The following NLGN1 variants were observed in gnomAD, a reference collection of about 807,000 sequenced individuals.
NLGN1 encodes the protein neuroligin-1.
A neutral mutation model predicts 65.5 loss-of-function variants in NLGN1; 12 were observed. The ratio of observed to expected loss-of-function variants is 0.18; its 90% CI spans 0.12 to 0.30. The LOEUF is 0.30. Ranked by LOEUF, NLGN1 falls within the 10% of genes least tolerant of loss-of-function variation. The pLI is 1.00. For synonymous variants in NLGN1, 350 were observed against 359.5 expected, an observed-to-expected ratio of 0.97 and a Z score of 0.30; for missense variants, 750 against 1,007.1, an observed-to-expected ratio of 0.74 and a Z score of 3.46.
At chr3:174,055,280 A>C (rs1735816025) in intron 4 of NLGN1, among the ~76,000 whole-genome samples, 1 of 151,822 alleles carries the variant, frequency 6.6e-6, no homozygotes, top group African/African-American at 2.4e-5. Flanking sequence ...CTGGACCCAC[A>C]AAATAGGGAG....
intron 3 of NLGN1, among the ~76,000 whole-genome samples, chr3:173,711,303 G>C (rs1184803879): frequency 2.0e-5 from 3 of 152,090 alleles, no homozygotes; most frequent in Non-Finnish European, 4.4e-5. Flanking sequence ...TTTGTTTCTG[G>C]TGAGAGTGAG....
At chr3:173,842,798 G>T (rs986869205) in intron 4 of NLGN1, among the ~76,000 whole-genome samples, 1 of 152,152 alleles carries the variant, frequency 6.6e-6, no homozygotes, top group African/African-American at 2.4e-5. Context: ...CCAGGTGCAT[G>T]GTGCAAGCTG....
chr3:173,824,678 C>T (rs141233961), intron 4 of NLGN1, among the ~76,000 whole-genome samples: 350 of 152,092 alleles, frequency 2.3e-3, no homozygotes, highest in Non-Finnish European at 3.3e-3. Context: ...ATAAAAGATG[C>T]ATATAAATAC....
intron 4 of NLGN1, among the ~76,000 whole-genome samples, chr3:174,218,722 A>G (rs763188968): frequency 6.6e-6 from 1 of 152,128 alleles, no homozygotes; most frequent in Non-Finnish European, 1.5e-5. Context: ...CGAATATCAG[A>G]TAAGTAAGCT....
intron 4 of NLGN1, among the ~76,000 whole-genome samples, chr3:173,995,167 A>C (rs1165578415): frequency 6.6e-6 from 1 of 152,188 alleles, no homozygotes; most frequent in Admixed American, 6.5e-5. Flanking sequence ...GAAACGTTTT[A>C]TCCAGAGATT....
intron 4 of NLGN1, among the ~76,000 whole-genome samples, chr3:174,097,988 C>T (rs188932801): frequency 1.9e-4 from 29 of 152,294 alleles, no homozygotes; most frequent in African/African-American, 7.0e-4. Context: ...GTTAATCCTC[C>T]TGCAGTAGCT....
chr3:174,145,405 C>T (rs1723024381), intron 4 of NLGN1, among the ~76,000 whole-genome samples: 1 of 151,796 alleles, frequency 6.6e-6, no homozygotes, highest in South Asian at 2.1e-4. Flanking sequence ...TCCAGTTACT[C>T]AGAAGGCTGA....
chr3:173,951,327 C>G (rs949776099), intron 4 of NLGN1, among the ~76,000 whole-genome samples: 1 of 152,082 alleles, frequency 6.6e-6, no homozygotes, highest in Non-Finnish European at 1.5e-5. Context: ...AATCAGACTC[C>G]GGTTAAGACC....
chr3:173,423,902 C>T (rs991146907), intron 1 of NLGN1, among the ~76,000 whole-genome samples: 17 of 152,308 alleles, frequency 1.1e-4, no homozygotes, highest in South Asian at 6.2e-4. Context: ...TCCGCACTTC[C>T]GTAGCAGAGG....
chr3:174,021,310 A>G (rs1727703508), intron 4 of NLGN1, among the ~76,000 whole-genome samples: 1 of 152,096 alleles, frequency 6.6e-6, no homozygotes, highest in East Asian at 1.9e-4. Flanking sequence ...GGAGAAAAGT[A>G]AGGGCAATGT....
chr3:173,471,635 T>A (rs1200782517), intron 2 of NLGN1, among the ~76,000 whole-genome samples: 1 of 152,136 alleles, frequency 6.6e-6, no homozygotes. Flanking sequence ...TATTGACATA[T>A]GAATTTTGGT....
At chr3:174,251,630 G>C (rs920060956) in intron 4 of NLGN1, among the ~76,000 whole-genome samples, 9 of 152,118 alleles carry the variant, frequency 5.9e-5, no homozygotes, top group Non-Finnish European at 1.0e-4. Context: ...AAACCCTAAA[G>C]AGCACATTAT....
intron 4 of NLGN1, among the ~76,000 whole-genome samples, chr3:173,813,691 A>G (rs1265781761): frequency 6.6e-6 from 1 of 152,244 alleles, no homozygotes; most frequent in Non-Finnish European, 1.5e-5. Flanking sequence ...TTAGGTCATG[A>G]ATATGTACAA....
intron 3 of NLGN1, among the ~76,000 whole-genome samples, chr3:173,757,360 T>TA (rs145821389): frequency 1.3e-5 from 2 of 151,808 alleles, no homozygotes; most frequent in African/African-American, 4.8e-5. Flanking sequence ...AATATTCTTG[T>TA]AAAAAAAATT....
intron 3 of NLGN1, among the ~76,000 whole-genome samples, chr3:173,632,069 C>G (rs1755769694): frequency 6.6e-6 from 1 of 152,092 alleles, no homozygotes; most frequent in Non-Finnish European, 1.5e-5. Context: ...AGCCTTCAAT[C>G]TTCGTGAGTT....
Position 173,529,197 on chromosome 3 carries a change from T to C in NLGN1, c.-320-75082T>C, listed in dbSNP as rs1315102974. The stretch of plus-strand genomic sequence containing the variant: ...TAGGGGCCTTTTGGCTTTGCTTCTA[T>C]GGTCCTGTGCACTTCTGTTGGCAGG... On this transcript the variant is annotated intron_variant, in intron 2 of 6. Coordinates refer to ENST00000457714, the Ensembl canonical transcript of NLGN1. Among the ~76,000 whole-genome samples, 10 of 152,228 alleles carry C rather than the reference T, an allele frequency of 6.6e-5. No individual in the cohort carries two copies. The South Asian group carries it at 1.4e-3, about 22-fold the overall frequency.
chr3:173,635,183 CT>C (rs1756386088), intron 3 of NLGN1, among the ~76,000 whole-genome samples: 1 of 152,068 alleles, frequency 6.6e-6, no homozygotes, highest in Admixed American at 6.6e-5. Context: ...CCCTTTGCTT[CT>C]TATATACACA....
chr3:173,539,216 T>C (rs1029706246), intron 2 of NLGN1, among the ~76,000 whole-genome samples: 6 of 151,810 alleles, frequency 4.0e-5, no homozygotes, highest in Admixed American at 3.9e-4. Flanking sequence ...AGCTCTTTTC[T>C]TCCTCTGTCA....
chr3:174,160,267 G>A (rs1466768304), intron 4 of NLGN1, among the ~76,000 whole-genome samples: 3 of 151,520 alleles, frequency 2.0e-5, no homozygotes, highest in East Asian at 1.9e-4. Flanking sequence ...ATTCTATCTC[G>A]TTTGGTTTTT....
Sources: gnomAD v4.1 joint callset for allele counts (sites outside exome capture counted in the v4.1 genomes callset) on GRCh38, gnomAD v4.1.1 for gene constraint, MANE v1.5 for transcripts, NCBI Gene and HGNC (gene_info 2026-07-23, HGNC 2026-07-21) for gene names.